Variants in PHKA1 observed in about 807,000 individuals in gnomAD.
PHKA1 encodes the protein phosphorylase kinase regulatory subunit alpha 1, also known as phosphorylase b kinase regulatory subunit alpha, skeletal muscle isoform.
Under a neutral mutation model 110.2 loss-of-function variants are expected in PHKA1, and 60 were observed. The ratio of observed to expected loss-of-function variants is 0.54; its 90% confidence interval spans 0.44 to 0.68. The LOEUF (loss-of-function observed/expected upper bound fraction) is 0.68, where lower values mean the gene tolerates loss of function less well. Among genes scored for constraint, PHKA1 ranks in the 30% least tolerant of loss-of-function variants. The pLI, the probability that PHKA1 is intolerant of heterozygous loss-of-function variation, is 0.00. For missense variants in PHKA1, 801 were observed against 942.5 expected (o/e 0.85, Z 1.97); for synonymous variants, 316 against 333.6 (o/e 0.95, Z 0.58).
chrX:72,633,164 T>C (rs1459011535), intron 16 of PHKA1, among the ~76,000 whole-genome samples: 2 of 111,914 alleles, frequency 1.8e-5, no homozygotes, highest in East Asian at 5.6e-4. Flanking sequence ...TACCTAGTGC[T>C]ATGATCTGAA....
intron 17 of PHKA1, among the ~76,000 whole-genome samples, chrX:72,623,547 C>T (rs1323206567): frequency 2.7e-5 from 3 of 111,189 alleles, no homozygotes; most frequent in Admixed American, 9.6e-5. Context: ...CCATATATTA[C>T]GTTGCTAACT....
In PHKA1 at chrX:72,611,251, G is replaced by C. The variant is rs781874596; in HGVS notation, c.2370-67C>G. On this transcript the variant is annotated intron_variant, in intron 21 of 31. Transcript: ENST00000373542. ...CTTCTGGCAATCATCTTTTCTTTCA[G>C]TGTTATAATGAACATGCCTGTTTTT... 6 of 894,170 alleles carry C rather than the reference G, an allele frequency of 6.7e-6. No homozygotes were observed. The East Asian group carries it at 1.9e-4, about 28-fold the overall frequency. 73.7% of individuals were successfully genotyped at this position (894,170 alleles called of 1,213,427 possible). A position where few individuals can be genotyped will look rare whatever the true frequency, so the allele number is the denominator to read the frequency against.
At chrX:72,599,460 A>G (rs1231679494) in intron 28 of PHKA1, among the ~76,000 whole-genome samples, 1 of 111,798 alleles carries the variant, frequency 8.9e-6, no homozygotes, top group Non-Finnish European at 1.9e-5. Context: ...AAGCTAACCC[A>G]GTGGCTTTCA....
intron 7 of PHKA1, 58 bp from the exon 8 acceptor site, chrX:72,666,355 A>G: frequency 7.1e-6 from 7 of 984,424 alleles, no homozygotes; most frequent in Non-Finnish European, 1.0e-5. Flanking sequence ...CCTTTACCCC[A>G]ATATCTTATC....
chrX:72,684,412 TAGCATTA>T, intron 5 of PHKA1, 79 bp downstream of exon 5: 1 of 620,371 alleles, frequency 1.6e-6, no homozygotes, highest in Non-Finnish European at 2.7e-6. Context: ...CTATGAGCAG[TAGCATTA>T]AGAAAACAAC....
intron 2 of PHKA1, among the ~76,000 whole-genome samples, chrX:72,708,169 C>T (rs1264292099): frequency 9.0e-6 from 1 of 111,710 alleles, no homozygotes; most frequent in Non-Finnish European, 1.9e-5. Context: ...AGTCATAAGA[C>T]CCAGGTTGCA....
Position 72,714,288 on chromosome X carries a change from G to C in PHKA1, c.-408C>G, listed in dbSNP as rs981745032. 13 of 134,204 alleles carry C rather than the reference G, an allele frequency of 9.7e-5. No individual in the cohort carries two copies. Among genetic ancestry groups the C allele is most frequent in the Non-Finnish European group, 1.9e-4 (13 of 68,511 alleles). The allele number at this position is 134,204 out of a possible 1,213,427, so 11.1% of individuals were successfully genotyped here. On this transcript the variant is annotated 5_prime_UTR_variant, in exon 1 of 32. Transcript: ENST00000373542. The stretch of plus-strand genomic sequence containing the variant: ...ACCGCTGCGCCGCCTCCACCTTGCG[G>C]GAGACGCGAGCGGGAGGCGGGGCGG...
chrX:72,594,113 G>A (rs1182362345), intron 28 of PHKA1, among the ~76,000 whole-genome samples: 2 of 110,756 alleles, frequency 1.8e-5, no homozygotes, highest in East Asian at 2.8e-4. Context: ...GAATGAAAAC[G>A]AAAGCACAAC....
rs1457334459 is a variant in PHKA1 at position 72,714,035 on chromosome X, C to G, written c.-155G>C. 8 of 508,022 alleles carry G rather than the reference C, an allele frequency of 1.6e-5. No homozygotes were observed. The Admixed American group carries it at 2.2e-4, about 14-fold the overall frequency. 41.9% of individuals were successfully genotyped at this position (508,022 alleles called of 1,213,427 possible). The stretch of plus-strand genomic sequence containing the variant: ...CCCTCCCACCGCTCAGGCCTGGCGC[C>G]GCGGATTCCGCGTACCTCTCCGGAC... On this transcript the variant is annotated 5_prime_UTR_variant, in exon 1 of 32. Transcript: ENST00000373542.
intron 6 of PHKA1, among the ~76,000 whole-genome samples, chrX:72,671,765 C>T (rs2053703855): frequency 9.0e-6 from 1 of 110,850 alleles, no homozygotes; most frequent in African/African-American, 3.3e-5. Flanking sequence ...CAGAACAGAG[C>T]CCTCAGAAAT....
At chrX:72,655,429 A>G (rs1372773345) in intron 10 of PHKA1, among the ~76,000 whole-genome samples, 1 of 111,591 alleles carries the variant, frequency 9.0e-6, no homozygotes, top group Admixed American at 9.4e-5. Flanking sequence ...ATGACAACAA[A>G]AAAAGATTGC....
rs2052328778 is a variant in PHKA1, at chrX:72,581,056, T to C, written c.3618A>G (p.Ala1206=). Residue 1206 remains alanine, a synonymous_variant, in exon 32 of 32, where the codon GCA becomes GCG. Transcript: ENST00000373542. The part of the protein sequence containing the change: ...RFGTMTYLSK[A]AATYVQEFLP... The stretch of plus-strand genomic sequence containing the variant: ...GGAACTCCTGCACGTAGGTGGCGGC[T>C]GCCTTGGAGAGGTAGGTCATGGTGC... 1 of 1,209,158 alleles carries C rather than the reference T, an allele frequency of 8.3e-7. No individual in the cohort carries two copies. Among genetic ancestry groups the C allele is most frequent in the Non-Finnish European group, 1.1e-6 (1 of 894,533 alleles).
intron 2 of PHKA1, 151 bp downstream of exon 2, chrX:72,712,628 G>A (rs2054400217): frequency 1.8e-6 from 1 of 553,870 alleles, no homozygotes; most frequent in East Asian, 3.6e-5. Flanking sequence ...AAAGCTTTCT[G>A]GAATATAATT....
At chrX:72,626,873 G>T in intron 17 of PHKA1, 98 bp downstream of exon 17, 1 of 667,601 alleles carries the variant, frequency 1.5e-6, no homozygotes, top group Non-Finnish European at 2.5e-6. Flanking sequence ...GATAAGGGGG[G>T]ACTATCATAC....
At chrX:72,713,697 C>CACACACACACAA (rs2054419154) in intron 1 of PHKA1, 106 bp downstream of exon 1, 2 of 616,422 alleles carry the variant, frequency 3.2e-6, no homozygotes, top group Non-Finnish European at 5.3e-6. Flanking sequence ...CACACACACA[C>CACACACACACAA]ACACCCACAC....
intron 10 of PHKA1, among the ~76,000 whole-genome samples, chrX:72,655,251 C>CA (rs2053478908): frequency 9.0e-6 from 1 of 111,536 alleles, no homozygotes; most frequent in African/African-American, 3.3e-5. Context: ...CTACAAAAAA[C>CA]AAACAAACAA....
chrX:72,640,164 A>G (rs1188811402), intron 14 of PHKA1, among the ~76,000 whole-genome samples: 1 of 112,225 alleles, frequency 8.9e-6, no homozygotes, highest in Non-Finnish European at 1.9e-5. Flanking sequence ...CCAAAAAAAG[A>G]GAAAATTTTA....
intron 3 of PHKA1, among the ~76,000 whole-genome samples, chrX:72,703,372 T>G (rs1380440971): frequency 8.9e-6 from 1 of 112,054 alleles, no homozygotes; most frequent in Non-Finnish European, 1.9e-5. Context: ...TAAACCTATT[T>G]GGTAAGGTAA....
chrX:72,670,785 G>A (rs781938066), intron 6 of PHKA1, among the ~76,000 whole-genome samples: 16 of 111,776 alleles, frequency 1.4e-4, no homozygotes, highest in Admixed American at 6.6e-4. Context: ...TTCAATATAC[G>A]CAAATCAATA....
Sources: allele counts gnomAD v4.1 joint callset (sites outside exome capture counted in the v4.1 genomes callset), GRCh38; gene constraint gnomAD v4.1.1; transcripts MANE v1.5; gene names NCBI Gene and HGNC (gene_info 2026-07-23, HGNC 2026-07-21).